TMTC2: variants seen among roughly 807,000 people sequenced by gnomAD.
The protein encoded by TMTC2 is transmembrane O-mannosyltransferase targeting cadherins 2, also known as protein O-mannosyl-transferase TMTC2.
Under a neutral mutation model 82.4 loss-of-function variants are expected in TMTC2, and 43 were observed. The observed-to-expected ratio is 0.52, with a 90% CI of 0.41 to 0.67. TMTC2 has a LOEUF of 0.67. Among genes scored for constraint, TMTC2 ranks in the 30% least tolerant of loss-of-function variants. The pLI is 0.00. For missense variants in TMTC2, 919 were observed against 1,012.4 expected (o/e 0.91, Z 1.25); for synonymous variants, 408 against 381.9 (o/e 1.07, Z -0.80).
intron 1 of TMTC2, among the ~76,000 whole-genome samples, chr12:82,830,731 A>T (rs960992035): frequency 5.3e-5 from 8 of 152,216 alleles, no homozygotes; most frequent in Admixed American, 1.3e-4. Context: ...TGGAATCTTC[A>T]TTCATTGGAA....
chr12:83,012,634 A>G lies in TMTC2; in HGVS notation c.2071-18164A>G, dbSNP rs79026583. On this transcript the variant is annotated intron_variant, in intron 8 of 11. Coordinates refer to ENST00000321196, the MANE Select transcript of TMTC2 (RefSeq NM_152588.3). ...GAAAAAACACAAAATTTATATATTC[A>G]TTTTTTATTCACTTGATAACATAGA... 9.7e-3 allele frequency among the ~76,000 whole-genome samples: 1,481 copies of G among 152,264 alleles called. 20 individuals carry two copies. The highest frequency in any genetic ancestry group is 0.034 in the African/African-American group (1,422 of 41,570).
intron 9 of TMTC2, among the ~76,000 whole-genome samples, chr12:83,036,119 G>T (rs1881652057): frequency 6.6e-6 from 1 of 152,036 alleles, no homozygotes; most frequent in Admixed American, 6.6e-5. Context: ...TATTGATAAT[G>T]GTGACATAAT....
intron 1 of TMTC2, among the ~76,000 whole-genome samples, chr12:82,812,270 A>C (rs1868441630): frequency 6.6e-6 from 1 of 152,128 alleles, no homozygotes. Flanking sequence ...TTTCAACTGC[A>C]TGTAATTTCA....
At chr12:82,838,179 G>C (rs1047213113) in intron 1 of TMTC2, among the ~76,000 whole-genome samples, 1 of 152,144 alleles carries the variant, frequency 6.6e-6, no homozygotes, top group East Asian at 1.9e-4. Flanking sequence ...AAGGCAGGCT[G>C]GTGCAACCAG....
chr12:83,060,802 G>A (rs1268636168), intron 10 of TMTC2, among the ~76,000 whole-genome samples: 1 of 151,760 alleles, frequency 6.6e-6, no homozygotes. Context: ...TTAGAACCCT[G>A]CTTCTGGTAA....
intron 11 of TMTC2, among the ~76,000 whole-genome samples, chr12:83,085,023 G>A (rs1883604722): frequency 6.6e-6 from 1 of 152,174 alleles, no homozygotes; most frequent in Non-Finnish European, 1.5e-5. Context: ...GTAAAGCAAG[G>A]TCCAGAGTGT....
chr12:82,750,190 A>T (rs772094277), intron 1 of TMTC2, among the ~76,000 whole-genome samples: 1 of 151,926 alleles, frequency 6.6e-6, no homozygotes, highest in African/African-American at 2.4e-5. Flanking sequence ...ATTTCATTCA[A>T]ATTTTGAAGT....
intron 4 of TMTC2, among the ~76,000 whole-genome samples, chr12:82,957,855 C>T (rs764147192): frequency 4.6e-5 from 7 of 151,870 alleles, no homozygotes; most frequent in Non-Finnish European, 8.8e-5. Flanking sequence ...GAAACTGAGT[C>T]AGTAATTAAA....
chr12:82,914,425 C>T (rs1874874518), intron 3 of TMTC2, among the ~76,000 whole-genome samples: 1 of 152,120 alleles, frequency 6.6e-6, no homozygotes, highest in Admixed American at 6.5e-5. Context: ...GAAGTTAACA[C>T]ATGGAATATT....
chr12:82,941,250 A>T (rs1876703300), intron 4 of TMTC2, among the ~76,000 whole-genome samples: 2 of 152,048 alleles, frequency 1.3e-5, no homozygotes, highest in Admixed American at 1.3e-4. Flanking sequence ...GGCTCAAGTG[A>T]TCTTCCTGCC....
chr12:82,774,970 A>G (rs1877512048), intron 1 of TMTC2, among the ~76,000 whole-genome samples: 1 of 152,062 alleles, frequency 6.6e-6, no homozygotes, highest in Non-Finnish European at 1.5e-5. Flanking sequence ...ATAAGAGGAA[A>G]AATCTATCAG....
chr12:82,976,765 C>T (rs866065715), intron 7 of TMTC2, among the ~76,000 whole-genome samples: 65 of 152,044 alleles, frequency 4.3e-4, no homozygotes, highest in African/African-American at 1.4e-3. Flanking sequence ...AAGGGAGACT[C>T]GCTAATGTTT....
intron 8 of TMTC2, among the ~76,000 whole-genome samples, chr12:83,030,345 T>C (rs1375483086): frequency 1.3e-5 from 2 of 152,138 alleles, no homozygotes; most frequent in East Asian, 3.9e-4. Flanking sequence ...TGATGAAATA[T>C]AATGTTAGGT....
At chr12:82,803,603 A>C (rs886418073) in intron 1 of TMTC2, among the ~76,000 whole-genome samples, 2 of 152,068 alleles carry the variant, frequency 1.3e-5, no homozygotes, top group Non-Finnish European at 2.9e-5. Flanking sequence ...CAAGAGTATC[A>C]CCTTCCAGAA....
At chr12:82,960,522 G>A (rs1376774308) in intron 4 of TMTC2, among the ~76,000 whole-genome samples, 4 of 151,968 alleles carry the variant, frequency 2.6e-5, no homozygotes, top group Non-Finnish European at 5.9e-5. Flanking sequence ...ATTAATGCAG[G>A]AACAGAAAAC....
At chr12:82,996,624 CTT>C (rs1330978595) in intron 8 of TMTC2, among the ~76,000 whole-genome samples, 1 of 152,148 alleles carries the variant, frequency 6.6e-6, no homozygotes, top group Non-Finnish European at 1.5e-5. Context: ...AAGTAGGACT[CTT>C]TTGTCAGTTT....
chr12:83,040,057 A>G (rs958326626), intron 9 of TMTC2, among the ~76,000 whole-genome samples: 1 of 152,232 alleles, frequency 6.6e-6, no homozygotes, highest in Non-Finnish European at 1.5e-5. Context: ...TTCCTGACCA[A>G]GCACTGGGCA....
chr12:83,114,102 C>T (rs957251692), intron 11 of TMTC2, among the ~76,000 whole-genome samples: 4 of 152,088 alleles, frequency 2.6e-5, no homozygotes, highest in African/African-American at 7.2e-5. Flanking sequence ...AAATGTCTCA[C>T]GCATCTGCTA....
intron 9 of TMTC2, among the ~76,000 whole-genome samples, chr12:83,048,104 T>G (rs1360435439): frequency 6.6e-6 from 1 of 152,250 alleles, no homozygotes; most frequent in East Asian, 1.9e-4. Flanking sequence ...TTAATGCGTT[T>G]GCTTAAATAT....
Sources: allele counts gnomAD v4.1 joint callset (sites outside exome capture counted in the v4.1 genomes callset), GRCh38; gene constraint gnomAD v4.1.1; transcripts MANE v1.5; gene names NCBI Gene and HGNC (gene_info 2026-07-23, HGNC 2026-07-21).